The following TMEM132D variants were observed in gnomAD, a reference collection of about 807,000 sequenced individuals.
TMEM132D encodes the protein mature OL transmembrane protein.
A neutral mutation model predicts 62.3 loss-of-function variants in TMEM132D; 21 were observed. The observed-to-expected ratio is 0.34, with a 90% CI of 0.24 to 0.49. The LOEUF is 0.49. Ranked by LOEUF, TMEM132D falls within the 20% of genes least tolerant of loss-of-function variation. The pLI, the probability that TMEM132D is intolerant of heterozygous loss-of-function variation, is 0.99. For synonymous variants in TMEM132D, 621 were observed against 575.6 expected (o/e 1.08, Z -1.13); for missense variants, 1,346 against 1,402.8 (o/e 0.96, Z 0.65).
intron 3 of TMEM132D, among the ~76,000 whole-genome samples, chr12:129,477,011 C>A (rs1874282064): frequency 6.6e-6 from 1 of 152,172 alleles, no homozygotes; most frequent in African/African-American, 2.4e-5. Context: ...CTTGATAATC[C>A]ATGCCTCTTA....
intron 2 of TMEM132D, among the ~76,000 whole-genome samples, chr12:129,679,902 A>G (rs1266044238): frequency 6.6e-6 from 1 of 152,122 alleles, no homozygotes; most frequent in Admixed American, 6.6e-5. Context: ...TATTTATATA[A>G]ATGGGCTGCC....
rs569276059 is a variant in TMEM132D, at chr12:129,394,808, T to C, written c.1116-56991A>G. 2.0e-5 allele frequency among the ~76,000 whole-genome samples: 3 copies of C among 152,286 alleles called. No individual in the cohort carries two copies. In the South Asian group the frequency reaches 6.2e-4, roughly 32 times the overall value. On this transcript the variant is annotated intron_variant, in intron 3 of 8. Coordinates refer to ENST00000422113, the MANE Select transcript of TMEM132D (RefSeq NM_133448.3). ...GAAGTGGCAAATCTATCACAGAAAC[T>C]TTAGTGGTTGCCTGGGGATGGAGGT...
intron 3 of TMEM132D, chr12:129,522,596 A>G (rs1046495428): frequency 6.6e-6 from 1 of 152,118 alleles, no homozygotes. Context: ...TGCGGCCCAC[A>G]CAGTTAAGTC....
At chr12:129,209,387 T>C (rs2135566352) in intron 5 of TMEM132D, 133 bp downstream of exon 5, 3 of 1,110,700 alleles carry the variant, frequency 2.7e-6, no homozygotes, top group Non-Finnish European at 3.8e-6. Context: ...AGTGGCAGGA[T>C]AACCAGAATG....
chr12:129,613,535 C>T (rs549636035), intron 2 of TMEM132D, among the ~76,000 whole-genome samples: 31 of 152,332 alleles, frequency 2.0e-4, no homozygotes, highest in African/African-American at 7.0e-4. Context: ...CACATCGCTG[C>T]TTGACAGAAC....
intron 4 of TMEM132D, among the ~76,000 whole-genome samples, chr12:129,264,442 A>C (rs112574757): frequency 2.6e-5 from 4 of 152,264 alleles, no homozygotes; most frequent in African/African-American, 9.6e-5. Flanking sequence ...GGATGCTGTG[A>C]TCAGGGAACA....
chr12:129,156,904 A>T (rs1877263776), intron 5 of TMEM132D, among the ~76,000 whole-genome samples: 1 of 152,152 alleles, frequency 6.6e-6, no homozygotes, highest in Non-Finnish European at 1.5e-5. Context: ...CACTCCTGAG[A>T]TCATTAACAC....
intron 4 of TMEM132D, among the ~76,000 whole-genome samples, chr12:129,271,877 G>A (rs1295758933): frequency 1.3e-5 from 2 of 151,834 alleles, no homozygotes; most frequent in Non-Finnish European, 2.9e-5. Context: ...ACATACATGT[G>A]CATGTGTCTT....
At chr12:129,772,125 T>C (rs762422285) in intron 1 of TMEM132D, among the ~76,000 whole-genome samples, 1 of 152,114 alleles carries the variant, frequency 6.6e-6, no homozygotes, top group Non-Finnish European at 1.5e-5. Context: ...AAAAAATTAA[T>C]GTATTGTAAA....
intron 3 of TMEM132D, among the ~76,000 whole-genome samples, chr12:129,346,926 G>T (rs1254711292): frequency 2.0e-5 from 3 of 152,044 alleles, no homozygotes; most frequent in Non-Finnish European, 4.4e-5. Context: ...GACATGGAGA[G>T]AACCAAGTCA....
Position 129,287,349 on chromosome 12 carries a change from G to C in TMEM132D, c.1299+50285C>G, listed in dbSNP as rs146669474. On this transcript the variant is annotated intron_variant, in intron 4 of 8. Coordinates refer to ENST00000422113, the MANE Select transcript of TMEM132D (RefSeq NM_133448.3). ...AAATGTAAATTAATAAACAGGAAGG[G>C]AATGATGGTAATACAAAATCACCAC... 9.0e-4 allele frequency among the ~76,000 whole-genome samples: 137 copies of C among 152,238 alleles called. 1 individual carries two copies. Among genetic ancestry groups the C allele is most frequent in the African/African-American group, 3.1e-3 (128 of 41,544 alleles).
chr12:129,893,527 T>C (rs1801238259), intron 1 of TMEM132D, among the ~76,000 whole-genome samples: 1 of 151,992 alleles, frequency 6.6e-6, no homozygotes, highest in African/African-American at 2.4e-5. Flanking sequence ...GACAGACATC[T>C]CTGTAGTTAA....
At chr12:129,762,769 G>A (rs536531890) in intron 1 of TMEM132D, among the ~76,000 whole-genome samples, 2 of 152,238 alleles carry the variant, frequency 1.3e-5, no homozygotes, top group South Asian at 2.1e-4. Flanking sequence ...TTGGGGAGAT[G>A]AACTGAAAGC....
At chr12:129,360,328 C>A (rs139468226) in intron 3 of TMEM132D, among the ~76,000 whole-genome samples, 180 of 152,328 alleles carry the variant, frequency 1.2e-3, no homozygotes, top group African/African-American at 4.0e-3. Flanking sequence ...GGGCCCTTCT[C>A]CAGCCTGGGT....
chr12:129,489,956 T>C (rs1874713451), intron 3 of TMEM132D, among the ~76,000 whole-genome samples: 1 of 152,170 alleles, frequency 6.6e-6, no homozygotes, highest in Non-Finnish European at 1.5e-5. Flanking sequence ...GAGGGAGAAA[T>C]TGTCCAGTCA....
At chr12:129,366,721 A>G (rs1212593166) in intron 3 of TMEM132D, among the ~76,000 whole-genome samples, 1 of 152,178 alleles carries the variant, frequency 6.6e-6, no homozygotes, top group East Asian at 1.9e-4. Flanking sequence ...AAGGAGCCAC[A>G]AGTATGCAAA....
At chr12:129,821,137 CA>C (rs1872531615) in intron 1 of TMEM132D, among the ~76,000 whole-genome samples, 1 of 152,156 alleles carries the variant, frequency 6.6e-6, no homozygotes, top group Non-Finnish European at 1.5e-5. Context: ...AGAGTGAAAA[CA>C]TTCCATGATC....
chr12:129,376,150 A>G (rs989412760), intron 3 of TMEM132D, among the ~76,000 whole-genome samples: 1 of 152,122 alleles, frequency 6.6e-6, no homozygotes, highest in Non-Finnish European at 1.5e-5. Flanking sequence ...GAAATACAAC[A>G]ATCCCATTTT....
chr12:129,828,697 G>A (rs1872729182), intron 1 of TMEM132D, among the ~76,000 whole-genome samples: 1 of 79,962 alleles, frequency 1.3e-5, no homozygotes, highest in Non-Finnish European at 2.5e-5. Context: ...GGAAGGGAGG[G>A]AGGGAGGGAG....
Sources: gnomAD v4.1 joint callset for allele counts (sites outside exome capture counted in the v4.1 genomes callset) on GRCh38, gnomAD v4.1.1 for gene constraint, MANE v1.5 for transcripts, NCBI Gene and HGNC (gene_info 2026-07-23, HGNC 2026-07-21) for gene names.